Variants in KCNG2 observed in about 807,000 individuals in gnomAD.
KCNG2 encodes potassium voltage-gated channel modifier subfamily G member 2, also known as voltage-gated potassium channel regulatory subunit KCNG2.
Under a neutral mutation model 12.3 loss-of-function variants are expected in KCNG2, and 7 were observed. That is an observed-to-expected ratio of 0.57 (90% CI 0.32 to 1.07). The LOEUF is 1.07. KCNG2 is among the 50% of genes least tolerant of loss of function. KCNG2 has a pLI of 0.04. For synonymous variants in KCNG2, 414 were observed against 351.4 expected (o/e 1.18, Z -1.99); for missense variants, 703 against 726.0 (o/e 0.97, Z 0.36).
In KCNG2 at chr18:79,821,041, G is replaced by A. The variant is rs191934065; in HGVS notation, c.-115+23027G>A. On this transcript the variant is annotated intron_variant, in intron 1 of 3. Coordinates refer to ENST00000316249, the MANE Select transcript of KCNG2 (RefSeq NM_012283.2). ...TTGATATTAAGCCCTTATCAGATAT[G>A]TGATTTGCAAATATTTTCCCCCAGT... is the stretch of plus-strand genomic sequence containing the variant. 3.3e-5 allele frequency among the ~76,000 whole-genome samples: 5 copies of A among 152,276 alleles called. No homozygotes were observed. The East Asian group carries it at 9.6e-4, about 29-fold the overall frequency.
intron 2 of KCNG2, among the ~76,000 whole-genome samples, chr18:79,858,609 A>C (rs1318870955): frequency 6.6e-6 from 1 of 152,152 alleles, no homozygotes; most frequent in Non-Finnish European, 1.5e-5. Flanking sequence ...GGGTCACATG[A>C]GAACTCCATG....
chr18:79,798,419 G>C (rs1043588393), intron 1 of KCNG2, among the ~76,000 whole-genome samples: 1 of 152,152 alleles, frequency 6.6e-6, no homozygotes, highest in Non-Finnish European at 1.5e-5. Context: ...AAGGGGCGCG[G>C]GTCTCGGGAA....
intron 1 of KCNG2, among the ~76,000 whole-genome samples, chr18:79,833,186 G>A (rs909657612): frequency 2.6e-5 from 4 of 151,902 alleles, no homozygotes; most frequent in African/African-American, 9.7e-5. Flanking sequence ...CCCAGGCTGG[G>A]GTGCAGTGGT....
At position 79,889,885 on chromosome 18, in the gene KCNG2, T is replaced by G. The variant is rs755813693; in HGVS notation, c.625-9155T>G. 3.4e-4 allele frequency among the ~76,000 whole-genome samples: 52 copies of G among 152,248 alleles called. 1 individual carries two copies. The highest frequency in any genetic ancestry group is 1.3e-4 in the Admixed American group (2 of 15,288). On this transcript the variant is annotated intron_variant, in intron 3 of 3. Transcript: ENST00000316249. ...GCTGTGGGGTTTCTATAGATGCCCTTTTTGCGGAGGTTTCCTGCTTGTTGA... is the reference window on the plus strand; with the variant it reads ...GCTGTGGGGTTTCTATAGATGCCCTGTTTGCGGAGGTTTCCTGCTTGTTGA...
chr18:79,803,040 T>C lies in KCNG2; in HGVS notation c.-115+5026T>C, dbSNP rs1011510437. On this transcript the variant is annotated intron_variant, in intron 1 of 3. Transcript: ENST00000316249. The surrounding 1 kb of genome is among the most constrained non-coding windows in gnomAD (Gnocchi z 4.5). ...CTAAAACACAAAAATTAGCCGGGCATGGTGGCAGGCACCTGTAATTCCAGC... is the reference window on the plus strand; with the variant it reads ...CTAAAACACAAAAATTAGCCGGGCACGGTGGCAGGCACCTGTAATTCCAGC... 2.0e-5 allele frequency among the ~76,000 whole-genome samples: 3 copies of C among 152,172 alleles called. No individual in the cohort carries two copies. The highest frequency in any genetic ancestry group is 2.0e-4 in the Admixed American group (3 of 15,290).
At chr18:79,829,270 ATG>A (rs1978289630) in intron 1 of KCNG2, among the ~76,000 whole-genome samples, 1 of 147,048 alleles carries the variant, frequency 6.8e-6, no homozygotes, top group South Asian at 2.2e-4. Flanking sequence ...CTGTGTGTGC[ATG>A]TGTCTGTGTG....
intron 1 of KCNG2, among the ~76,000 whole-genome samples, chr18:79,811,038 A>T (rs2087490710): frequency 6.6e-6 from 1 of 152,254 alleles, no homozygotes; most frequent in South Asian, 2.1e-4. Flanking sequence ...GAGGTGTAAG[A>T]CTTGTATGCT....
chr18:79,855,723 T>C (rs1196754786), intron 1 of KCNG2, among the ~76,000 whole-genome samples: 1 of 152,132 alleles, frequency 6.6e-6, no homozygotes, highest in African/African-American at 2.4e-5. Flanking sequence ...CTTAGATCAG[T>C]TCAGCCTCTG....
chr18:79,834,474 G>A (rs1978312922), intron 1 of KCNG2, among the ~76,000 whole-genome samples: 1 of 152,152 alleles, frequency 6.6e-6, no homozygotes, highest in African/African-American at 2.4e-5. Context: ...ACCAGGTCAT[G>A]GGCGACAAAG....
intron 3 of KCNG2, among the ~76,000 whole-genome samples, chr18:79,877,981 C>T (rs1022653485): frequency 6.7e-6 from 1 of 150,122 alleles, no homozygotes; most frequent in Non-Finnish European, 1.5e-5. Flanking sequence ...CCTGTGGCCA[C>T]GTCCTGAGAC....
At chr18:79,877,968 G>C (rs1182344011) in intron 3 of KCNG2, among the ~76,000 whole-genome samples, 2 of 152,012 alleles carry the variant, frequency 1.3e-5, no homozygotes, top group African/African-American at 2.4e-5. Flanking sequence ...TGGCACCCAG[G>C]TTCCTGTGGC....
In KCNG2 at chr18:79,800,336, C is replaced by G. The variant is rs2087398692; in HGVS notation, c.-115+2322C>G. On this transcript the variant is annotated intron_variant, in intron 1 of 3. Transcript: ENST00000316249. The surrounding 1 kb of genome is among the most constrained non-coding windows in gnomAD (Gnocchi z 4.0). ...GAATGGGGATATCTTAGGGCTAACG[C>G]TTGGTCAGGGATGTTCTTGGTGGTA... Among the ~76,000 whole-genome samples the G allele has an allele frequency of 6.6e-6, 1 of 152,032 alleles. No homozygotes were observed. The highest frequency in any genetic ancestry group is 1.5e-5 in the Non-Finnish European group (1 of 67,986).
rs1234498049 is a variant in KCNG2, at chr18:79,893,655, T to G, written c.625-5385T>G. 2.0e-5 allele frequency among the ~76,000 whole-genome samples: 3 copies of G among 152,114 alleles called. No homozygotes were observed. The South Asian group carries it at 6.2e-4, about 32-fold the overall frequency. ...TTGGGTTGTTCACTCCATTCAAATC[T>G]AATGGTTCGATTGATATAGCTGGGT... On this transcript the variant is annotated intron_variant, in intron 3 of 3. Coordinates refer to ENST00000316249, the MANE Select transcript of KCNG2 (RefSeq NM_012283.2).
At chr18:79,819,187 G>T (rs939930378) in intron 1 of KCNG2, among the ~76,000 whole-genome samples, 1 of 152,194 alleles carries the variant, frequency 6.6e-6, no homozygotes, top group African/African-American at 2.4e-5. Context: ...GCCGGCGAGG[G>T]CACCCAGGAC....
At chr18:79,835,212 G>T (rs375172107) in intron 1 of KCNG2, among the ~76,000 whole-genome samples, 1 of 152,204 alleles carries the variant, frequency 6.6e-6, no homozygotes, top group Admixed American at 6.5e-5. Context: ...CCAGAGCAGG[G>T]CCAAAGGAAG....
chr18:79,867,606 C>T (rs746216402), intron 3 of KCNG2, among the ~76,000 whole-genome samples: 4 of 149,746 alleles, frequency 2.7e-5, no homozygotes, highest in Non-Finnish European at 4.5e-5. Context: ...GGGGGGGGAC[C>T]GTGAGCTCCG....
intron 1 of KCNG2, among the ~76,000 whole-genome samples, chr18:79,810,835 G>C (rs985410805): frequency 2.0e-5 from 3 of 152,150 alleles, no homozygotes; most frequent in African/African-American, 7.2e-5. Flanking sequence ...TGAATGATGA[G>C]GACTGTCCAA....
chr18:79,863,829 C>T lies in KCNG2; in HGVS notation c.162C>T (p.Asp54=), dbSNP rs543930167. 336 of 1,419,868 alleles carry T rather than the reference C, an allele frequency of 2.4e-4. 3 individuals carry two copies. The South Asian group carries it at 4.3e-3, about 18-fold the overall frequency. The allele number at this position is 1,419,868 out of a possible 1,614,324, so 88.0% of individuals were successfully genotyped here. A position where few individuals can be genotyped will look rare whatever the true frequency, so the allele number is the denominator to read the frequency against. ...TGCGCGCCTGCCGCGGCCACGACGA[C>T]CTGCTGCGCGTGTGTGACGACTACG... The part of the protein sequence containing the change: ...ERLRACRGHD[D]LLRVCDDYDV... The change falls in exon 3 of 4, where the codon GAC becomes GAT. Residue 54 remains aspartate, a synonymous_variant. Coordinates refer to ENST00000316249, the MANE Select transcript of KCNG2 (RefSeq NM_012283.2).
At chr18:79,805,865 A>G (rs1022814326) in intron 1 of KCNG2, among the ~76,000 whole-genome samples, 11 of 99,724 alleles carry the variant, frequency 1.1e-4, no homozygotes, top group Non-Finnish European at 2.4e-4. Flanking sequence ...GTCCACATGC[A>G]CACACACACA....
Sources: allele counts gnomAD v4.1 joint callset (sites outside exome capture counted in the v4.1 genomes callset), GRCh38; gene constraint gnomAD v4.1.1; non-coding constraint Gnocchi (gnomAD v3.1); transcripts MANE v1.5; gene names NCBI Gene and HGNC (gene_info 2026-07-23, HGNC 2026-07-21).